Variants in SASH1 observed in about 807,000 individuals in gnomAD.
SASH1 encodes the protein SAM and SH3 domain-containing protein 1.
In SASH1, 44 loss-of-function variants were observed where a neutral mutation model predicts 125.2. That is an observed-to-expected ratio of 0.35 (90% CI 0.28 to 0.45). SASH1 has a LOEUF of 0.45. Ranked by LOEUF, SASH1 falls within the 20% of genes least tolerant of loss-of-function variation. SASH1 has a pLI of 1.00. For synonymous variants in SASH1, 639 were observed against 649.1 expected (o/e 0.98, Z 0.24); for missense variants, 1,426 against 1,614.5 (o/e 0.88, Z 2.00).
intron 2 of SASH1, among the ~76,000 whole-genome samples, chr6:148,436,793 A>G (rs1331076223): frequency 2.0e-5 from 3 of 152,214 alleles, no homozygotes; most frequent in East Asian, 1.9e-4. Context: ...TTCTGAATTC[A>G]TATTCACAGA....
At chr6:148,230,695 T>C in the SASH1 span, among the ~76,000 whole-genome samples, 1 of 152,350 alleles carries the variant, frequency 6.6e-6, no homozygotes, top group East Asian at 1.9e-4. Context: ...TTTTTTATTA[T>C]AGCCACTCTA....
chr6:148,399,554 T>C (rs1784094241), intron 2 of SASH1, among the ~76,000 whole-genome samples: 1 of 152,150 alleles, frequency 6.6e-6, no homozygotes, highest in Admixed American at 6.5e-5. Flanking sequence ...ATGGTTTTTG[T>C]TTGCTTGCTT....
At chr6:148,251,290 G>A in the SASH1 span, among the ~76,000 whole-genome samples, 3 of 152,160 alleles carry the variant, frequency 2.0e-5, no homozygotes, top group Admixed American at 2.0e-4. Context: ...GAGTGATTCT[G>A]TATTTGGAAT....
At chr6:148,299,876 C>A (rs1779893258) in intron 1 of SASH1, among the ~76,000 whole-genome samples, 1 of 152,068 alleles carries the variant, frequency 6.6e-6, no homozygotes, top group Non-Finnish European at 1.5e-5. Context: ...CTAGCCAACC[C>A]TAACCCGCCC....
intron 1 of SASH1, among the ~76,000 whole-genome samples, chr6:148,323,542 A>G (rs1780709956): frequency 6.6e-6 from 1 of 152,218 alleles, no homozygotes; most frequent in South Asian, 2.1e-4. Flanking sequence ...TCACTGGAGT[A>G]TTAGCAGTGA....
intron 1 of SASH1, among the ~76,000 whole-genome samples, chr6:148,286,603 G>A (rs1158749619): frequency 6.6e-6 from 1 of 152,104 alleles, no homozygotes; most frequent in Non-Finnish European, 1.5e-5. Context: ...CTTGGCTTGA[G>A]GCTCGCTGTC....
intron 1 of SASH1, among the ~76,000 whole-genome samples, chr6:148,308,800 T>C (rs1780214651): frequency 6.6e-6 from 1 of 151,206 alleles, no homozygotes; most frequent in Non-Finnish European, 1.5e-5. Flanking sequence ...ATTCTCTTTC[T>C]CTGCCAGACG....
intron 5 of SASH1, among the ~76,000 whole-genome samples, chr6:148,470,555 C>T (rs1156243691): frequency 1.3e-5 from 2 of 152,246 alleles, no homozygotes; most frequent in Non-Finnish European, 2.9e-5. Flanking sequence ...ATTTTACTTA[C>T]TCTCCCCTTT....
chr6:148,203,406 C>G, the SASH1 span, among the ~76,000 whole-genome samples: 3 of 152,100 alleles, frequency 2.0e-5, no homozygotes, highest in South Asian at 6.2e-4. Flanking sequence ...TTCTGTTTCT[C>G]CTTTATCACA....
chr6:148,199,841 AAAAGG>A, the SASH1 span, among the ~76,000 whole-genome samples: 49 of 152,040 alleles, frequency 3.2e-4, no homozygotes, highest in African/African-American at 9.2e-4. Context: ...GAAAGAAAAG[AAAAGG>A]AAAGGAAAGG....
intron 1 of SASH1, among the ~76,000 whole-genome samples, chr6:148,356,494 C>CTTTTTTTTTTTTTTTTTTTTTTTTTTT (rs57183555): frequency 1.7e-5 from 2 of 116,266 alleles, no homozygotes; most frequent in African/African-American, 3.3e-5. Context: ...ACTTTTAGTT[C>CTTTTTTTTTTTTTTTTTTTTTTTTTTT]TTTTTTTTTT....
At chr6:148,390,420 C>T (rs1783654473) in intron 2 of SASH1, among the ~76,000 whole-genome samples, 158 bp downstream of exon 2, 2 of 152,138 alleles carry the variant, frequency 1.3e-5, no homozygotes, top group South Asian at 2.1e-4. Flanking sequence ...AAAGACTGGC[C>T]CAGTTCTGCC....
At chr6:148,234,347 T>C in the SASH1 span, among the ~76,000 whole-genome samples, 1 of 152,032 alleles carries the variant, frequency 6.6e-6, no homozygotes, top group African/African-American at 2.4e-5. Flanking sequence ...TTTAGTTGAT[T>C]CAAGTGTTAA....
the SASH1 span, among the ~76,000 whole-genome samples, chr6:148,206,282 A>G: frequency 6.6e-6 from 1 of 152,062 alleles, no homozygotes; most frequent in Admixed American, 6.5e-5. Flanking sequence ...TTCATAATGG[A>G]TCTTGTTGCC....
At chr6:148,534,719 A>G (rs774232390) in intron 15 of SASH1, 32 bp from the exon 16 acceptor site, 1 of 1,613,382 alleles carries the variant, frequency 6.2e-7, no homozygotes, top group Non-Finnish European at 8.5e-7. Flanking sequence ...GGGCTGGCTG[A>G]CACCCTTCTG....
At chr6:148,246,622 T>C in the SASH1 span, among the ~76,000 whole-genome samples, 2 of 152,226 alleles carry the variant, frequency 1.3e-5, no homozygotes, top group African/African-American at 4.8e-5. Context: ...GAGAGACTAT[T>C]CTATAGTAAA....
intron 1 of SASH1, among the ~76,000 whole-genome samples, chr6:148,319,150 A>C (rs1780571301): frequency 7.0e-6 from 1 of 143,068 alleles, no homozygotes; most frequent in Non-Finnish European, 1.5e-5. Context: ...CTCCTGCCTC[A>C]GCCTCCCGAG....
At chr6:148,379,275 A>G (rs1425492134) in intron 1 of SASH1, among the ~76,000 whole-genome samples, 1 of 152,128 alleles carries the variant, frequency 6.6e-6, no homozygotes, top group African/African-American at 2.4e-5. Context: ...TTAGTCACCC[A>G]GGGTAGCTTT....
At chr6:148,267,053 C>T in the SASH1 span, among the ~76,000 whole-genome samples, 1 of 152,112 alleles carries the variant, frequency 6.6e-6, no homozygotes, top group Non-Finnish European at 1.5e-5. Context: ...CATCAAACTA[C>T]TTCACCTCTC....
Sources: allele counts gnomAD v4.1 joint callset (sites outside exome capture counted in the v4.1 genomes callset), GRCh38; gene constraint gnomAD v4.1.1; transcripts MANE v1.5; gene names NCBI Gene and HGNC (gene_info 2026-07-23, HGNC 2026-07-21).